TTLL7: variants seen among roughly 807,000 people sequenced by gnomAD.
TTLL7 encodes the protein tubulin tyrosine ligase like 7.
In TTLL7, 53 loss-of-function variants were observed where a neutral mutation model predicts 120.2. That is an observed-to-expected ratio of 0.44 (90% confidence interval 0.35 to 0.55). The LOEUF is 0.55. Among genes scored for constraint, TTLL7 ranks in the 20% least tolerant of loss-of-function variants. TTLL7 has a pLI of 0.00. For missense variants in TTLL7, 803 were observed against 1,054.7 expected, an observed-to-expected ratio of 0.76 and a Z score of 3.31; for synonymous variants, 353 against 351.7, an observed-to-expected ratio of 1.00 and a Z score of -0.04.
chr1:83,946,861 T>C (rs185961638), intron 6 of TTLL7, among the ~76,000 whole-genome samples: 25 of 152,300 alleles, frequency 1.6e-4, no homozygotes, highest in Admixed American at 1.6e-3. Context: ...AAACAGAGAA[T>C]AGCTTTTTCC....
At chr1:83,970,309 G>A (rs1650857216) in intron 1 of TTLL7, among the ~76,000 whole-genome samples, 1 of 151,986 alleles carries the variant, frequency 6.6e-6, no homozygotes, top group Admixed American at 6.6e-5. Context: ...TTCAAGCCAA[G>A]ACTGAGATCA....
rs539096576 is a variant in TTLL7, at chr1:83,869,859, T to A, written c.*103A>T. 14 of 1,330,342 alleles carry A rather than the reference T, an allele frequency of 1.1e-5. No homozygotes were observed. Among genetic ancestry groups the A allele is most frequent in the African/African-American group, 1.5e-5 (1 of 66,292 alleles). 82.4% of individuals were successfully genotyped at this position (1,330,342 alleles called of 1,614,324 possible). On this transcript the variant is annotated 3_prime_UTR_variant, in exon 21 of 21. Coordinates refer to ENST00000260505, the MANE Select transcript of TTLL7 (RefSeq NM_024686.6). The stretch of plus-strand genomic sequence containing the variant: ...TTTTCACACATATATATGTCTTATA[T>A]ACATAAAACAGCACTTAATGGTCAT...
At chr1:83,980,070 G>T (rs931782498) in intron 1 of TTLL7, 2 of 152,232 alleles carry the variant, frequency 1.3e-5, no homozygotes, top group African/African-American at 4.8e-5. Context: ...TATATGTAAA[G>T]GCTAGGGCTT....
At chr1:83,942,381 C>T (rs906364778) in intron 7 of TTLL7, 82 bp downstream of exon 7, 2 of 1,146,384 alleles carry the variant, frequency 1.7e-6, no homozygotes, top group Non-Finnish European at 2.5e-6. Context: ...TTCATTCATA[C>T]AATCTATATG....
rs756889429 is a variant in TTLL7 at position 83,883,112 on chromosome 1, A to T, written c.2394T>A (p.Asn798Lys). ...AAGGAGTCACCACCTCCGGGCTTTT[A>T]TTGAATATACTCTCCCAAGAGGATC... ...DSGSSWESIF[N>K]KSPEVVTPLQ... Residue 798 changes from asparagine (N) to lysine (K), a missense_variant, in exon 20 of 21, where the codon AAT becomes AAA. By Grantham distance (94) the Asn-to-Lys change is moderately conservative. Coordinates refer to ENST00000260505, the MANE Select transcript of TTLL7 (RefSeq NM_024686.6). 5.6e-6 allele frequency: 9 copies of T among 1,608,982 alleles called. No individual in the cohort carries two copies. Among genetic ancestry groups the T allele is most frequent in the South Asian group, 1.1e-5 (1 of 90,440 alleles).
intron 20 of TTLL7, chr1:83,880,334 A>G (rs893042025): frequency 3.3e-5 from 5 of 152,028 alleles, no homozygotes; most frequent in South Asian, 2.1e-4. Context: ...ATGTCTTGCA[A>G]TGCAATGACA....
At chr1:83,931,329 C>T (rs888160864) in intron 9 of TTLL7, among the ~76,000 whole-genome samples, 1 of 152,060 alleles carries the variant, frequency 6.6e-6, no homozygotes, top group Non-Finnish European at 1.5e-5. Context: ...TCCATAATAG[C>T]TTCTGTGCTC....
chr1:83,998,579 C>T (rs1322499644), intron 1 of TTLL7, among the ~76,000 whole-genome samples: 1 of 152,228 alleles, frequency 6.6e-6, no homozygotes, highest in Non-Finnish European at 1.5e-5. Flanking sequence ...TGTGGGAAAA[C>T]GACGGAATTA....
At position 83,914,679 on chromosome 1, in the gene TTLL7, G is replaced by A. The variant is rs140289542; in HGVS notation, c.1587+2925C>T. Among the ~76,000 whole-genome samples, 16 of 152,122 alleles carry A rather than the reference G, an allele frequency of 1.1e-4. No individual in the cohort carries two copies. The East Asian group carries it at 2.5e-3, about 24-fold the overall frequency. ...AGCACTACTCATTTTTCAAGATCCAGTTCTAATAGCACTACCTTTCTGAAG... is the reference window on the plus strand; with the variant it reads ...AGCACTACTCATTTTTCAAGATCCAATTCTAATAGCACTACCTTTCTGAAG... On this transcript the variant is annotated intron_variant, in intron 14 of 20. Coordinates refer to ENST00000260505, the MANE Select transcript of TTLL7 (RefSeq NM_024686.6).
At chr1:83,907,221 T>C (rs1379678568) in intron 16 of TTLL7, among the ~76,000 whole-genome samples, 1 of 152,012 alleles carries the variant, frequency 6.6e-6, no homozygotes, top group Non-Finnish European at 1.5e-5. Context: ...AAATAGAAAA[T>C]AAAATAATGC....
chr1:83,892,435 T>A (rs1035791849), intron 18 of TTLL7, among the ~76,000 whole-genome samples: 2 of 142,930 alleles, frequency 1.4e-5, no homozygotes, highest in Non-Finnish European at 1.5e-5. Context: ...TGAACATATA[T>A]ATGAACATAT....
intron 1 of TTLL7, among the ~76,000 whole-genome samples, chr1:83,987,240 T>A: frequency 6.7e-6 from 1 of 149,354 alleles, no homozygotes; most frequent in South Asian, 2.1e-4. Flanking sequence ...CAGGAAGGTT[T>A]ACATGGAAAA....
chr1:83,900,272 A>G, intron 18 of TTLL7: 1 of 294,122 alleles, frequency 3.4e-6, no homozygotes, highest in Non-Finnish European at 6.8e-6. Context: ...AATGGAATCA[A>G]CTTAACAAAA....
At chr1:83,903,438 ATAGTACT>A (rs1170028776) in intron 18 of TTLL7, among the ~76,000 whole-genome samples, 7 of 151,808 alleles carry the variant, frequency 4.6e-5, no homozygotes, top group Non-Finnish European at 1.5e-5. Context: ...ATTTTTCTTC[ATAGTACT>A]TAGTACAGTC....
intron 1 of TTLL7, among the ~76,000 whole-genome samples, chr1:83,953,106 G>T (rs145972735): frequency 2.0e-5 from 3 of 152,306 alleles, no homozygotes; most frequent in Non-Finnish European, 2.9e-5. Flanking sequence ...TCATTATTAT[G>T]ATGATTTTAT....
chr1:83,937,932 T>A lies in TTLL7; in HGVS notation c.808A>T (p.Ser270Cys). 1 of 1,614,114 alleles carries A rather than the reference T, an allele frequency of 6.2e-7. No homozygotes were observed. Among genetic ancestry groups the A allele is most frequent in the Non-Finnish European group, 8.5e-7 (1 of 1,179,972 alleles). Residue 270 changes from serine to cysteine, a missense_variant, in exon 8 of 21, where the codon AGC (serine) becomes TGC (cysteine). This residue lies in a region of TTLL7 where 324 missense variants were observed against 507.7 expected (regional missense o/e 0.64). Coordinates refer to ENST00000260505, the MANE Select transcript of TTLL7 (RefSeq NM_024686.6). ...FERDETENKG[S>C]KRSIKWFTEF... ...GTAAACCATTTGATGGAACGTTTGC[T>A]GCCTTTGTTCTCAGTTTCATCCCGT...
intron 1 of TTLL7, among the ~76,000 whole-genome samples, chr1:83,991,572 A>G (rs1653005772): frequency 1.3e-5 from 2 of 152,136 alleles, no homozygotes; most frequent in South Asian, 4.1e-4. Flanking sequence ...TGAGCCCAGG[A>G]ATTTAAGGCT....
chr1:83,870,323 T>G (rs1398687664), intron 20 of TTLL7, among the ~76,000 whole-genome samples: 2 of 152,212 alleles, frequency 1.3e-5, no homozygotes, highest in African/African-American at 4.8e-5. Flanking sequence ...ACTCAAATAC[T>G]GTGAAACTGT....
chr1:83,980,939 T>A (rs541804164), intron 1 of TTLL7: 1 of 152,176 alleles, frequency 6.6e-6, no homozygotes, highest in African/African-American at 2.4e-5. Flanking sequence ...AAACTAAGTA[T>A]GTATAAAGTA....
Sources: allele counts gnomAD v4.1 joint callset (sites outside exome capture counted in the v4.1 genomes callset), GRCh38; gene constraint gnomAD v4.1.1; regional missense constraint gnomAD v4.1.1; transcripts MANE v1.5; gene names NCBI Gene and HGNC (gene_info 2026-07-23, HGNC 2026-07-21).